Variants in ADGRV1 observed in about 807,000 individuals in gnomAD.
ADGRV1 encodes the protein G-protein coupled receptor 98.
ADGRV1 carries 359 observed loss-of-function variants against 596.2 expected under a neutral mutation model. The ratio of observed to expected loss-of-function variants is 0.60; its 90% confidence interval spans 0.55 to 0.66. The LOEUF (loss-of-function observed/expected upper bound fraction) is 0.66, where lower values mean the gene tolerates loss of function less well. ADGRV1 is among the 30% of genes least tolerant of loss of function. ADGRV1 has a pLI of 0.00. For missense variants in ADGRV1, 7,274 were observed against 7,575.6 expected, an observed-to-expected ratio of 0.96 and a Z score of 1.48; for synonymous variants, 2,681 against 2,679.2, an observed-to-expected ratio of 1.00 and a Z score of -0.02.
At chr5:90,981,516 A>G (rs1780074637) in intron 84 of ADGRV1, among the ~76,000 whole-genome samples, 1 of 152,106 alleles carries the variant, frequency 6.6e-6, no homozygotes, top group Non-Finnish European at 1.5e-5. Flanking sequence ...TTCCTCCCAC[A>G]TCCTAAAGCT....
chr5:90,625,214 A>G lies in ADGRV1; in HGVS notation c.643A>G (p.Ile215Val), dbSNP rs1379472882. ...ITFPPGRATV[I>V]YNLTVLDDEV... ...CTTTCCCCCTGGCAGAGCAACAGTA[A>G]TTTATAACTTGACAGTACTCGATGA... Residue 215 changes from isoleucine (I) to valine (V), a missense_variant, in exon 6 of 90, where the codon ATT becomes GTT. Around this residue, in one of 5 missense-constraint regions of ADGRV1, gnomAD observed 1,715 missense variants for 1,708.8 expected, o/e 1.00. Coordinates refer to ENST00000405460, the MANE Select transcript of ADGRV1 (RefSeq NM_032119.4). 6.2e-7 allele frequency: 1 copy of G among 1,612,902 alleles called. No homozygotes were observed. The highest frequency in any genetic ancestry group is 1.3e-5 in the African/African-American group (1 of 74,884).
At chr5:90,967,401 A>G (rs1778570877) in intron 84 of ADGRV1, among the ~76,000 whole-genome samples, 1 of 152,212 alleles carries the variant, frequency 6.6e-6, no homozygotes, top group African/African-American at 2.4e-5. Flanking sequence ...ATAAAAGTGA[A>G]TTTAAACCAT....
intron 89 of ADGRV1, among the ~76,000 whole-genome samples, chr5:91,155,969 C>A (rs1423302744): frequency 6.6e-6 from 1 of 152,122 alleles, no homozygotes; most frequent in African/African-American, 2.4e-5. Flanking sequence ...AAGAGGAATG[C>A]CGAGGAAAGA....
At chr5:91,063,083 G>A (rs556323907) in intron 85 of ADGRV1, among the ~76,000 whole-genome samples, 51 of 147,270 alleles carry the variant, frequency 3.5e-4, no homozygotes, top group South Asian at 2.0e-3. Flanking sequence ...TTCACCCTCC[G>A]AGAAACTGGG....
chr5:90,588,066 T>C (rs770555478), intron 1 of ADGRV1, among the ~76,000 whole-genome samples: 59 of 152,336 alleles, frequency 3.9e-4, no homozygotes, highest in African/African-American at 1.3e-3. Context: ...TAGAATTTAT[T>C]CTACTAGGTA....
At chr5:90,980,928 A>G (rs35299092) in intron 84 of ADGRV1, among the ~76,000 whole-genome samples, 37,109 of 152,186 alleles carry the variant, frequency 0.24, 4,989 homozygotes, top group Non-Finnish European at 0.31. Flanking sequence ...TTTTATTGTA[A>G]CATTGATGAG....
At chr5:90,978,281 C>T (rs1372978414) in intron 84 of ADGRV1, among the ~76,000 whole-genome samples, 2 of 147,630 alleles carry the variant, frequency 1.4e-5, no homozygotes, top group Non-Finnish European at 3.0e-5. Flanking sequence ...GGGGACAGAG[C>T]GAGACTTCAT....
chr5:90,983,193 A>G (rs1052647664), intron 84 of ADGRV1, among the ~76,000 whole-genome samples: 3 of 152,228 alleles, frequency 2.0e-5, no homozygotes, highest in African/African-American at 7.2e-5. Context: ...TCAAGTATTC[A>G]GTAATTCAGC....
chr5:90,731,708 G>C (rs554545586), intron 50 of ADGRV1, among the ~76,000 whole-genome samples: 1 of 152,292 alleles, frequency 6.6e-6, no homozygotes, highest in South Asian at 2.1e-4. Context: ...AGATGGCCTG[G>C]AATGGCAGGC....
At chr5:90,979,239 G>A (rs1473429742) in intron 84 of ADGRV1, among the ~76,000 whole-genome samples, 1 of 151,666 alleles carries the variant, frequency 6.6e-6, no homozygotes, top group Non-Finnish European at 1.5e-5. Flanking sequence ...CGCAGTCTCG[G>A]CTCACTGCAA....
In ADGRV1 at chr5:90,824,851, C is replaced by T. The variant is rs78832819; in HGVS notation, c.16368+1255C>T. ...CCTGTCATGGTTAAGTGAAGACTTA[C>T]TGTATTCTACTTGAATTTAAACTCT... On this transcript the variant is annotated intron_variant, in intron 76 of 89. Transcript: ENST00000405460. Among the ~76,000 whole-genome samples the T allele has an allele frequency of 8.5e-5, 13 of 152,284 alleles. No homozygotes were observed. In the East Asian group the frequency reaches 1.9e-3, roughly 23 times the overall value.
chr5:90,564,628 T>A (rs1228955047), intron 1 of ADGRV1, among the ~76,000 whole-genome samples: 719 of 71,638 alleles, frequency 0.01, 76 homozygotes, highest in Admixed American at 0.05. Flanking sequence ...TATATATATT[T>A]TTTTTTTTTT....
At chr5:90,596,413 C>G (rs572982100) in intron 1 of ADGRV1, among the ~76,000 whole-genome samples, 7 of 151,774 alleles carry the variant, frequency 4.6e-5, no homozygotes, top group Non-Finnish European at 7.4e-5. Context: ...GCTGCAATCT[C>G]GGCACTTTGG....
intron 87 of ADGRV1, among the ~76,000 whole-genome samples, chr5:91,130,235 G>GAAAA (rs11403279): frequency 1.4e-5 from 2 of 144,036 alleles, no homozygotes. Flanking sequence ...TTTCTAAATT[G>GAAAA]AAAAAAAAAA....
intron 1 of ADGRV1, among the ~76,000 whole-genome samples, chr5:90,568,265 C>T (rs1755913865): frequency 6.6e-6 from 1 of 151,882 alleles, no homozygotes; most frequent in South Asian, 2.1e-4. Context: ...TGTAAATTCT[C>T]TTCCAAGCAT....
In ADGRV1 at chr5:90,642,957, T is replaced by C. The variant is rs1561442337; in HGVS notation, c.2469T>C (p.Tyr823=). 2 of 1,613,624 alleles carry C rather than the reference T, an allele frequency of 1.2e-6. No individual in the cohort carries two copies. Among genetic ancestry groups the C allele is most frequent in the Non-Finnish European group, 1.7e-6 (2 of 1,179,626 alleles). The stretch of plus-strand genomic sequence containing the variant: ...AGCCAAGAGATAGCAATGAATTCTA[T>C]GGAAACACGGGAGTACTAGAATTTA... ...RVEPRDSNEF[Y]GNTGVLEFKP... Residue 823 remains tyrosine, a synonymous_variant, in exon 13 of 90, where the codon TAT becomes TAC. Coordinates refer to ENST00000405460, the MANE Select transcript of ADGRV1 (RefSeq NM_032119.4).
At chr5:91,122,854 T>G (rs13174460) in intron 87 of ADGRV1, among the ~76,000 whole-genome samples, 2,429 of 152,338 alleles carry the variant, frequency 0.016, 30 homozygotes, top group Middle Eastern at 0.034. Flanking sequence ...TTACTCTCAG[T>G]TAATCCCTGC....
intron 83 of ADGRV1, among the ~76,000 whole-genome samples, chr5:90,961,238 C>T (rs1254484384): frequency 6.6e-6 from 1 of 152,042 alleles, no homozygotes; most frequent in Non-Finnish European, 1.5e-5. Flanking sequence ...CAGCGGTTCA[C>T]GCCTGTAATC....
intron 83 of ADGRV1, among the ~76,000 whole-genome samples, chr5:90,872,299 T>C (rs1313693500): frequency 6.6e-6 from 1 of 152,188 alleles, no homozygotes; most frequent in Non-Finnish European, 1.5e-5. Context: ...GAGTTTTTTT[T>C]CCCTGATCTG....
Sources: allele counts gnomAD v4.1 joint callset (sites outside exome capture counted in the v4.1 genomes callset), GRCh38; gene constraint gnomAD v4.1.1; regional missense constraint gnomAD v4.1.1; transcripts MANE v1.5; gene names NCBI Gene and HGNC (gene_info 2026-07-23, HGNC 2026-07-21).